NGLY1: variants seen among roughly 807,000 people sequenced by gnomAD.
NGLY1 encodes N-glycanase 1.
In NGLY1, 68 loss-of-function variants were observed where a neutral mutation model predicts 84.6. That is an observed-to-expected ratio of 0.80 (90% CI 0.66 to 0.98). The LOEUF (loss-of-function observed/expected upper bound fraction) is 0.98. Among genes scored for constraint, NGLY1 ranks in the 50% least tolerant of loss-of-function variants. NGLY1 has a pLI of 0.00. For missense variants in NGLY1, 779 were observed against 770.2 expected, an observed-to-expected ratio of 1.01 and a Z score of -0.14; for synonymous variants, 280 against 275.2, an observed-to-expected ratio of 1.02 and a Z score of -0.17.
intron 3 of NGLY1, among the ~76,000 whole-genome samples, chr3:25,753,630 A>C (rs1045615944): frequency 6.6e-6 from 1 of 152,066 alleles, no homozygotes; most frequent in Non-Finnish European, 1.5e-5. Context: ...TAAAATTAAA[A>C]ACTTACATTA....
intron 2 of NGLY1, among the ~76,000 whole-genome samples, chr3:25,772,537 T>C (rs1707944943): frequency 1.3e-5 from 2 of 152,186 alleles, no homozygotes; most frequent in South Asian, 4.1e-4. Context: ...AGTCTTTATG[T>C]ATTAAGTGAG....
intron 4 of NGLY1, among the ~76,000 whole-genome samples, chr3:25,746,618 TA>T (rs1706450855): frequency 3.3e-5 from 5 of 152,226 alleles, no homozygotes; most frequent in Admixed American, 3.3e-4. Flanking sequence ...GGTCCACTGA[TA>T]AGACCATTCC....
chr3:25,762,356 A>G (rs537845716), intron 3 of NGLY1, among the ~76,000 whole-genome samples: 2 of 152,326 alleles, frequency 1.3e-5, no homozygotes, highest in South Asian at 4.1e-4. Flanking sequence ...AAAATACTTT[A>G]AAGAAATACA....
chr3:25,745,679 C>G lies in NGLY1; in HGVS notation c.658+5419G>C, dbSNP rs144164027. 1.3e-3 allele frequency among the ~76,000 whole-genome samples: 191 copies of G among 152,248 alleles called. 1 individual carries two copies. The South Asian group carries it at 0.014, about 11-fold the overall frequency. On this transcript the variant is annotated intron_variant, in intron 4 of 11. Transcript: ENST00000280700. The stretch of plus-strand genomic sequence containing the variant: ...CCTTGTAATCTCAACCCTCTGTTCA[C>G]CCTCTTATCCCTCTTATGTAAATTA...
At chr3:25,768,561 C>CTTT (rs752193155) in intron 2 of NGLY1, among the ~76,000 whole-genome samples, 1 of 116,346 alleles carries the variant, frequency 8.6e-6, no homozygotes, top group African/African-American at 3.2e-5. Flanking sequence ...ATAAGTAAGA[C>CTTT]TTTTTTTTTT....
chr3:25,759,641 G>C (rs1402995955), intron 3 of NGLY1, among the ~76,000 whole-genome samples: 2 of 152,106 alleles, frequency 1.3e-5, no homozygotes, highest in African/African-American at 2.4e-5. Context: ...GGTGATTACA[G>C]CAGCTGGGTA....
At chr3:25,726,835 A>G (rs956820296) in intron 10 of NGLY1, among the ~76,000 whole-genome samples, 2 of 152,212 alleles carry the variant, frequency 1.3e-5, no homozygotes, top group Non-Finnish European at 2.9e-5. Context: ...TGCCTCCCAA[A>G]AAGCGTACTG....
At chr3:25,747,894 T>C (rs1706519549) in intron 4 of NGLY1, among the ~76,000 whole-genome samples, 1 of 152,176 alleles carries the variant, frequency 6.6e-6, no homozygotes, top group Admixed American at 6.5e-5. Flanking sequence ...AATTCAGTCT[T>C]GGGAGAGGTC....
chr3:25,738,232 G>C (rs1705941256), intron 5 of NGLY1, among the ~76,000 whole-genome samples: 1 of 152,036 alleles, frequency 6.6e-6, no homozygotes, highest in Non-Finnish European at 1.5e-5. Context: ...TTTTAGCTTA[G>C]TTTAATTCAA....
intron 4 of NGLY1, among the ~76,000 whole-genome samples, chr3:25,749,334 T>C (rs778163369): frequency 6.6e-6 from 1 of 152,186 alleles, no homozygotes; most frequent in Admixed American, 6.5e-5. Flanking sequence ...AGCCAAAATA[T>C]TGAAACAACC....
chr3:25,724,079 A>G (rs1488147296), intron 10 of NGLY1, among the ~76,000 whole-genome samples: 1 of 152,240 alleles, frequency 6.6e-6, no homozygotes, highest in East Asian at 1.9e-4. Context: ...CACTATTTTC[A>G]GGACTGAGAA....
intron 4 of NGLY1, among the ~76,000 whole-genome samples, chr3:25,743,571 A>AGTGTGT (rs3080320): frequency 3.6e-4 from 54 of 151,260 alleles, no homozygotes; most frequent in African/African-American, 8.2e-4. Context: ...ACTTTTCACT[A>AGTGTGT]GTGTGTGTGT....
At chr3:25,785,989 T>A (rs915426818), upstream of NGLY1, among the ~76,000 whole-genome samples, 6 of 152,216 alleles carry the variant, frequency 3.9e-5, no homozygotes, top group Middle Eastern at 3.2e-3. Context: ...AGGTACTGAA[T>A]AGAGTTGTTG....
In NGLY1 at chr3:25,775,447, T is replaced by C. The variant is rs536693795; in HGVS notation, c.246+3127A>G. Among the ~76,000 whole-genome samples the C allele has an allele frequency of 2.6e-5, 4 of 152,348 alleles. No individual in the cohort carries two copies. In the East Asian group the frequency reaches 7.7e-4, roughly 29 times the overall value. ...GTGGTATCTATACACAACGGAATAT[T>C]ATTCCACCATAAAAAAGAACAAAAT... On this transcript the variant is annotated intron_variant, in intron 2 of 11. Transcript: ENST00000280700.
chr3:25,783,713 G>A (rs1476928095), upstream of NGLY1, among the ~76,000 whole-genome samples: 1 of 151,844 alleles, frequency 6.6e-6, no homozygotes, highest in Non-Finnish European at 1.5e-5. This position sits in a 1 kb window ranked among gnomAD's most constrained non-coding sequence, Gnocchi z 4.5. Context: ...GAAGAAGGTG[G>A]GGGGCCTCGG....
At chr3:25,761,225 A>G (rs138377833) in intron 3 of NGLY1, among the ~76,000 whole-genome samples, 88 of 152,324 alleles carry the variant, frequency 5.8e-4, no homozygotes, top group African/African-American at 2.0e-3. Flanking sequence ...TAGCTGAGTA[A>G]AAAGTACTAA....
chr3:25,756,253 T>C (rs1250295635), intron 3 of NGLY1, among the ~76,000 whole-genome samples: 1 of 152,198 alleles, frequency 6.6e-6, no homozygotes, highest in Non-Finnish European at 1.5e-5. Context: ...ATAGGTTTGT[T>C]TCTCTCCATT....
chr3:25,754,058 C>T (rs1441439821), intron 3 of NGLY1, among the ~76,000 whole-genome samples: 1 of 152,094 alleles, frequency 6.6e-6, no homozygotes, highest in African/African-American at 2.4e-5. Flanking sequence ...GTGTTAGATA[C>T]TGGAAAAATA....
chr3:25,753,474 T>G (rs985324336), intron 3 of NGLY1, among the ~76,000 whole-genome samples: 3 of 151,972 alleles, frequency 2.0e-5, no homozygotes, highest in Non-Finnish European at 4.4e-5. Flanking sequence ...GGGAGTAGGA[T>G]CTAAATAAAA....
Sources: gnomAD v4.1 joint callset for allele counts (sites outside exome capture counted in the v4.1 genomes callset) on GRCh38, gnomAD v4.1.1 for gene constraint, Gnocchi (gnomAD v3.1) non-coding constraint, MANE v1.5 for transcripts, NCBI Gene and HGNC (gene_info 2026-07-23, HGNC 2026-07-21) for gene names.